Variants in MGMT observed in about 807,000 individuals in gnomAD.
MGMT encodes methylated-DNA--protein-cysteine methyltransferase.
A neutral mutation model predicts 15.9 loss-of-function variants in MGMT; 14 were observed. The ratio of observed to expected loss-of-function variants is 0.88; its 90% CI spans 0.58 to 1.37. MGMT has a LOEUF of 1.37. MGMT is among the 40% of genes most tolerant of loss of function. MGMT has a pLI of 0.00. For missense variants in MGMT, 282 were observed against 268.1 expected (o/e 1.05, Z -0.36); for synonymous variants, 130 against 118.2 (o/e 1.10, Z -0.65).
chr10:129,510,877 C>T (rs61741384), intron 1 of MGMT, among the ~76,000 whole-genome samples: 10,243 of 150,196 alleles, frequency 0.068, 1,128 homozygotes, highest in African/African-American at 0.24. Flanking sequence ...GATGCAGCCA[C>T]ATGCTTCCTG....
chr10:129,582,811 C>A (rs939510586), intron 2 of MGMT, among the ~76,000 whole-genome samples: 1 of 152,168 alleles, frequency 6.6e-6, no homozygotes, highest in Admixed American at 6.5e-5. Context: ...CCCGCCATGA[C>A]CATCCTGGTG....
intron 2 of MGMT, among the ~76,000 whole-genome samples, chr10:129,703,142 A>C (rs2133137297): frequency 6.6e-6 from 1 of 152,346 alleles, no homozygotes; most frequent in African/African-American, 2.4e-5. Flanking sequence ...TTCACCCATG[A>C]ATAGTTATCT....
At chr10:129,589,475 A>G (rs1312680946) in intron 2 of MGMT, among the ~76,000 whole-genome samples, 1 of 152,250 alleles carries the variant, frequency 6.6e-6, no homozygotes, top group East Asian at 1.9e-4. Context: ...TGTGGCTCAC[A>G]TGACATGAAA....
At chr10:129,751,931 A>C (rs377238824) in intron 3 of MGMT, among the ~76,000 whole-genome samples, 1 of 151,994 alleles carries the variant, frequency 6.6e-6, no homozygotes, top group Non-Finnish European at 1.5e-5. Context: ...AGAATATGGC[A>C]TATCTTTGTC....
intron 2 of MGMT, among the ~76,000 whole-genome samples, chr10:129,624,179 A>T (rs55812366): frequency 6.6e-6 from 1 of 152,326 alleles, no homozygotes; most frequent in Non-Finnish European, 1.5e-5. Flanking sequence ...AACAATTATT[A>T]ATCAGTTTTA....
rs138366464 is a variant in MGMT at position 129,537,556 on chromosome 10, G to A, written c.125+1179G>A. Among the ~76,000 whole-genome samples the A allele has an allele frequency of 6.1e-3, 931 of 152,026 alleles. 10 individuals carry two copies. The highest frequency in any genetic ancestry group is 0.022 in the African/African-American group (897 of 41,498). On this transcript the variant is annotated intron_variant, in intron 2 of 4. Coordinates refer to ENST00000651593, the MANE Select transcript of MGMT (RefSeq NM_002412.5). ...TTGCACAATAAATCATAGAAATTAT[G>A]TGTTGGTTTTTTTTTTCTTTTGGGA...
At chr10:129,743,023 A>G (rs1238048651) in intron 3 of MGMT, among the ~76,000 whole-genome samples, 1 of 152,174 alleles carries the variant, frequency 6.6e-6, no homozygotes, top group Admixed American at 6.5e-5. Context: ...CCATGCCTGG[A>G]TTCAAGAGCC....
intron 2 of MGMT, among the ~76,000 whole-genome samples, chr10:129,656,565 C>G (rs111549443): frequency 0.017 from 2,621 of 152,258 alleles, 46 homozygotes; most frequent in Middle Eastern, 0.031. Flanking sequence ...TGACACGTGC[C>G]CCAGGTGGTC....
At chr10:129,723,475 A>G (rs1848398540) in intron 3 of MGMT, among the ~76,000 whole-genome samples, 1 of 152,240 alleles carries the variant, frequency 6.6e-6, no homozygotes, top group Non-Finnish European at 1.5e-5. Context: ...TTAGAAGAAA[A>G]CATGAGTATT....
At chr10:129,753,798 T>A (rs190303348) in intron 3 of MGMT, among the ~76,000 whole-genome samples, 148 of 152,300 alleles carry the variant, frequency 9.7e-4, no homozygotes, top group Middle Eastern at 3.4e-3. Flanking sequence ...CATGAGTTGA[T>A]TTTTTCCCTG....
chr10:129,744,644 T>C (rs764788083), intron 3 of MGMT, among the ~76,000 whole-genome samples: 1 of 152,212 alleles, frequency 6.6e-6, no homozygotes. Context: ...ATGGCTTTCC[T>C]GCGTGCCACG....
At chr10:129,539,214 C>G (rs1014596015) in intron 2 of MGMT, among the ~76,000 whole-genome samples, 1 of 151,978 alleles carries the variant, frequency 6.6e-6, no homozygotes, top group Non-Finnish European at 1.5e-5. Flanking sequence ...TAAATTCTCC[C>G]GTAATTTCTT....
chr10:129,503,313 G>C (rs11016816), intron 1 of MGMT, among the ~76,000 whole-genome samples: 1 of 151,918 alleles, frequency 6.6e-6, no homozygotes, highest in Admixed American at 6.5e-5. Flanking sequence ...CTGCTTTATC[G>C]AAAATGCCAG....
rs1289075522 is a variant in MGMT, at chr10:129,528,532, G to A, written c.-12-7709G>A. ...GGGCAGTGGCGGGGGGAGCGGGGGC[G>A]TGGGTGCGATGGGGTCATGGGGGAC... On this transcript the variant is annotated intron_variant, in intron 1 of 4. Coordinates refer to ENST00000651593, the MANE Select transcript of MGMT (RefSeq NM_002412.5). Among the ~76,000 whole-genome samples the A allele has an allele frequency of 5.3e-5, 8 of 151,826 alleles. No homozygotes were observed. The East Asian group carries it at 7.8e-4, about 15-fold the overall frequency.
intron 2 of MGMT, among the ~76,000 whole-genome samples, chr10:129,669,701 C>A (rs564700547): frequency 6.6e-6 from 1 of 152,114 alleles, no homozygotes; most frequent in Non-Finnish European, 1.5e-5. Flanking sequence ...CAAAACACTA[C>A]CAGAACAGTA....
At chr10:129,705,511 C>CT (rs1335990313) in intron 2 of MGMT, among the ~76,000 whole-genome samples, 11 of 152,316 alleles carry the variant, frequency 7.2e-5, no homozygotes, top group Admixed American at 7.2e-4. Context: ...ACCTTTTTAA[C>CT]TATAAGGAAG....
intron 2 of MGMT, among the ~76,000 whole-genome samples, chr10:129,704,458 GTC>G (rs1395027279): frequency 6.6e-6 from 1 of 152,120 alleles, no homozygotes; most frequent in Non-Finnish European, 1.5e-5. Context: ...TGAGGGCACT[GTC>G]TGCGTGAGTT....
chr10:129,554,038 T>C (rs1465369866), intron 2 of MGMT, among the ~76,000 whole-genome samples: 1 of 152,230 alleles, frequency 6.6e-6, no homozygotes, highest in South Asian at 2.1e-4. Flanking sequence ...GCAGCTGTTA[T>C]GTGACCATGA....
intron 2 of MGMT, among the ~76,000 whole-genome samples, chr10:129,596,851 A>G (rs1261465885): frequency 6.6e-6 from 1 of 152,144 alleles, no homozygotes; most frequent in African/African-American, 2.4e-5. Context: ...ACAGTGGATG[A>G]TAGCCAGGAA....
Sources: allele counts gnomAD v4.1 joint callset (sites outside exome capture counted in the v4.1 genomes callset), GRCh38; gene constraint gnomAD v4.1.1; transcripts MANE v1.5; gene names NCBI Gene and HGNC (gene_info 2026-07-23, HGNC 2026-07-21).